Variants in STX8 observed in about 807,000 individuals in gnomAD.
STX8 encodes syntaxin 8.
Under a neutral mutation model 37.5 loss-of-function variants are expected in STX8, and 23 were observed. The ratio of observed to expected loss-of-function variants is 0.61; its 90% CI spans 0.44 to 0.87. The LOEUF (loss-of-function observed/expected upper bound fraction) is 0.87, where lower values mean the gene tolerates loss of function less well. STX8 is among the 40% of genes least tolerant of loss of function. The probability of loss-of-function intolerance (pLI) is 0.00; values close to 1 mark genes in which losing one functional copy is unlikely to be tolerated. For synonymous variants in STX8, 115 were observed against 99.1 expected (o/e 1.16, Z -0.95); for missense variants, 313 against 284.7 (o/e 1.10, Z -0.71).
intron 4 of STX8, among the ~76,000 whole-genome samples, chr17:9,542,485 A>T (rs1279219787): frequency 1.3e-5 from 2 of 151,812 alleles, no homozygotes; most frequent in African/African-American, 4.8e-5. Flanking sequence ...AGACCATCCT[A>T]GCTAACATGG....
At chr17:9,486,837 C>A (rs1202747584) in intron 6 of STX8, among the ~76,000 whole-genome samples, 1 of 152,156 alleles carries the variant, frequency 6.6e-6, no homozygotes, top group East Asian at 1.9e-4. Flanking sequence ...CCAGCTTGGG[C>A]AACAGAGTGA....
intron 1 of STX8, among the ~76,000 whole-genome samples, chr17:9,572,002 G>C (rs1907709115): frequency 6.6e-6 from 1 of 152,026 alleles, no homozygotes; most frequent in South Asian, 2.1e-4. Context: ...TGGTGAGTAT[G>C]AAAGGGGCCC....
chr17:9,442,483 C>G lies in STX8; in HGVS notation c.541+49346G>C, dbSNP rs80308441. Among the ~76,000 whole-genome samples, 459 of 152,228 alleles carry G rather than the reference C, an allele frequency of 3.0e-3. 3 individuals carry two copies. The highest frequency in any genetic ancestry group is 0.01 in the African/African-American group (426 of 41,540). On this transcript the variant is annotated intron_variant, in intron 6 of 7. Coordinates refer to ENST00000306357, the MANE Select transcript of STX8 (RefSeq NM_004853.3). The stretch of plus-strand genomic sequence containing the variant: ...TGCAGTCTCAGTGATCTCAGCTCAC[C>G]GCAACCTCCGCCTCCTGGGTTCCAG...
intron 5 of STX8, among the ~76,000 whole-genome samples, chr17:9,499,476 G>A (rs2142490852): frequency 6.6e-6 from 1 of 152,262 alleles, no homozygotes; most frequent in Middle Eastern, 3.4e-3. Flanking sequence ...TCGGCTCACT[G>A]CAACCTCCGC....
intron 7 of STX8, among the ~76,000 whole-genome samples, chr17:9,261,087 C>T (rs569417266): frequency 3.3e-5 from 5 of 152,186 alleles, no homozygotes; most frequent in Non-Finnish European, 7.3e-5. Flanking sequence ...GGTGACGGGG[C>T]AGAGAGCTGG....
intron 3 of STX8, among the ~76,000 whole-genome samples, chr17:9,555,851 G>T (rs375461760): frequency 6.7e-6 from 1 of 149,746 alleles, no homozygotes; most frequent in African/African-American, 2.5e-5. Flanking sequence ...AGCTGAGATC[G>T]CACCGCTGCA....
At chr17:9,412,646 A>G (rs1307862136) in intron 6 of STX8, among the ~76,000 whole-genome samples, 1 of 152,088 alleles carries the variant, frequency 6.6e-6, no homozygotes, top group Non-Finnish European at 1.5e-5. Flanking sequence ...AATGGAAGTT[A>G]CTCATGTGCA....
chr17:9,401,170 G>A (rs3859261), intron 6 of STX8, among the ~76,000 whole-genome samples: 32,898 of 152,098 alleles, frequency 0.22, 4,118 homozygotes, highest in South Asian at 0.38. Context: ...AATTCTTATA[G>A]TTAGAACAAA....
chr17:9,507,802 C>T lies in STX8; in HGVS notation c.324-2640G>A, dbSNP rs557186501. ...TCAGCTGAGGCCACTGAGACACTCACAAATGTCACTGGCATGGATTACAGT... is the reference window on the plus strand; with the variant it reads ...TCAGCTGAGGCCACTGAGACACTCATAAATGTCACTGGCATGGATTACAGT... On this transcript the variant is annotated intron_variant, in intron 4 of 7. Transcript: ENST00000306357. This position sits in a 1 kb window ranked among gnomAD's most constrained non-coding sequence, Gnocchi z 4.0. Among the ~76,000 whole-genome samples the T allele has an allele frequency of 6.6e-6, 1 of 152,308 alleles. No homozygotes were observed. The highest frequency in any genetic ancestry group is 2.1e-4 in the South Asian group (1 of 4,824).
intron 6 of STX8, among the ~76,000 whole-genome samples, chr17:9,388,712 A>G (rs1912102874): frequency 6.6e-6 from 1 of 151,194 alleles, no homozygotes; most frequent in South Asian, 2.1e-4. Context: ...CTGAGGCAGG[A>G]GAATTGCTTG....
chr17:9,574,049 T>C (rs1331595261), intron 1 of STX8, among the ~76,000 whole-genome samples: 3 of 152,080 alleles, frequency 2.0e-5, no homozygotes, highest in African/African-American at 7.2e-5. Flanking sequence ...GGCGGGCAGA[T>C]TGCCTGAGCT....
chr17:9,476,071 C>A (rs1226760252), intron 6 of STX8, among the ~76,000 whole-genome samples: 2 of 152,192 alleles, frequency 1.3e-5, no homozygotes, highest in African/African-American at 4.8e-5. Flanking sequence ...CCCAACTACT[C>A]AGGAGGCTGA....
At chr17:9,461,687 G>A (rs1320526949) in intron 6 of STX8, among the ~76,000 whole-genome samples, 1 of 152,112 alleles carries the variant, frequency 6.6e-6, no homozygotes. Context: ...GGACTAGTGG[G>A]TGGGGGGTGA....
intron 6 of STX8, among the ~76,000 whole-genome samples, chr17:9,476,935 TC>T (rs1164473369): frequency 6.6e-6 from 1 of 152,092 alleles, no homozygotes; most frequent in African/African-American, 2.4e-5. Context: ...AGTCTTGACC[TC>T]CCGGGCTCAA....
chr17:9,296,298 A>G (rs1435764916), intron 7 of STX8, among the ~76,000 whole-genome samples: 1 of 149,774 alleles, frequency 6.7e-6, no homozygotes, highest in Non-Finnish European at 1.5e-5. Context: ...GTGAGCTGAG[A>G]TCGCACCACT....
At position 9,545,175 on chromosome 17, in the gene STX8, A is replaced by C. The variant is rs1253732079; in HGVS notation, c.320T>G (p.Ile107Ser). Residue 107 changes from isoleucine (I) to serine (S), a missense_variant, in exon 4 of 8, where the codon ATC (isoleucine) becomes AGC (serine). By Grantham distance (142) the Ile-to-Ser change is moderately radical. Coordinates refer to ENST00000306357, the MANE Select transcript of STX8 (RefSeq NM_004853.3). ...FKNEGAEPDLIRSSLMSEEAK... is the reference protein window; with the variant it reads ...FKNEGAEPDLSRSSLMSEEAK... ...CCTGTAAATAAAAACATCCTACCTG[A>C]TTAGATCTGGTTCGGCACCCTCATT... 3.7e-6 allele frequency: 6 copies of C among 1,611,144 alleles called. No homozygotes were observed. The South Asian group carries it at 6.6e-5, about 18-fold the overall frequency.
chr17:9,254,933 AAGG>A (rs2142118995), intron 7 of STX8, among the ~76,000 whole-genome samples: 1 of 152,316 alleles, frequency 6.6e-6, no homozygotes, highest in East Asian at 1.9e-4. Context: ...AGAGGCATAG[AAGG>A]AGTGGTCAGC....
chr17:9,446,781 T>C (rs1417273851), intron 6 of STX8, among the ~76,000 whole-genome samples: 1 of 152,220 alleles, frequency 6.6e-6, no homozygotes, highest in African/African-American at 2.4e-5. Flanking sequence ...GCAGTTTTTT[T>C]CCGTTTTCCC....
chr17:9,317,358 T>C (rs1260351350), intron 7 of STX8, among the ~76,000 whole-genome samples: 4 of 152,118 alleles, frequency 2.6e-5, no homozygotes, highest in African/African-American at 9.7e-5. Context: ...TGGCAAAGCA[T>C]GAGTGAGAAA....
Sources: allele counts gnomAD v4.1 joint callset (sites outside exome capture counted in the v4.1 genomes callset), GRCh38; gene constraint gnomAD v4.1.1; non-coding constraint Gnocchi (gnomAD v3.1); transcripts MANE v1.5; gene names NCBI Gene and HGNC (gene_info 2026-07-23, HGNC 2026-07-21).